Variants in SLC31A2 observed in about 807,000 individuals in gnomAD.
SLC31A2 encodes the protein solute carrier family 31 member 2.
Under a neutral mutation model 14.4 loss-of-function variants are expected in SLC31A2, and 16 were observed. The ratio of observed to expected loss-of-function variants is 1.11; its 90% CI spans 0.75 to 1.69. The LOEUF is 1.69. SLC31A2 is among the 40% of genes most tolerant of loss of function. The probability of loss-of-function intolerance (pLI) is 0.00; values close to 1 mark genes in which losing one functional copy is unlikely to be tolerated. For synonymous variants in SLC31A2, 56 were observed against 68.7 expected (o/e 0.82, Z 0.91); for missense variants, 140 against 173.9 (o/e 0.81, Z 1.10).
intron 1 of SLC31A2, chr9:113,156,235 C>A (rs966936037): frequency 2.2e-6 from 1 of 459,498 alleles, no homozygotes; most frequent in Non-Finnish European, 4.5e-6. Context: ...TATCTTCCTC[C>A]CTTGAACAGA....
intron 2 of SLC31A2, among the ~76,000 whole-genome samples, chr9:113,160,441 TC>T (rs1829994712): frequency 6.6e-6 from 1 of 152,222 alleles, no homozygotes; most frequent in South Asian, 2.1e-4. Context: ...TATGTAATGA[TC>T]CAATCAGGGT....
chr9:113,154,124 C>A (rs1473773506), intron 1 of SLC31A2, among the ~76,000 whole-genome samples: 1 of 152,198 alleles, frequency 6.6e-6, no homozygotes, highest in East Asian at 1.9e-4. Context: ...CAGGCACATG[C>A]CACCACACCC....
At chr9:113,157,912 A>G in intron 2 of SLC31A2, 119 bp downstream of exon 2, 1 of 760,940 alleles carries the variant, frequency 1.3e-6, no homozygotes, top group Non-Finnish European at 2.3e-6. Context: ...CTCTGGCATA[A>G]ACACTGAGCA....
chr9:113,161,642 G>C lies in SLC31A2; in HGVS notation c.207G>C (p.Glu69Asp). 1 of 1,614,040 alleles carries C rather than the reference G, an allele frequency of 6.2e-7. No individual in the cohort carries two copies. The highest frequency in any genetic ancestry group is 8.5e-7 in the Non-Finnish European group (1 of 1,179,906). The change falls in exon 3 of 4, where the codon GAG becomes GAC. Residue 69 changes from glutamate (E) to aspartate (D), a missense_variant. By Grantham distance (45) the Glu-to-Asp change is conservative (BLOSUM62 2). Transcript: ENST00000259392. ...PTSISQQTIA[E>D]TDGDSAGSDS... ...CCATCAGCCAGCAGACCATCGCAGAGACAGACGGGGACTCTGCAGGCTCAG... is the reference window on the plus strand; with the variant it reads ...CCATCAGCCAGCAGACCATCGCAGACACAGACGGGGACTCTGCAGGCTCAG...
In SLC31A2 at chr9:113,151,653, T is replaced by C. The variant is rs1214959936; in HGVS notation, c.6+573T>C. On this transcript the variant is annotated intron_variant, in intron 1 of 3. Coordinates refer to ENST00000259392, the MANE Select transcript of SLC31A2 (RefSeq NM_001860.3). This position sits in a 1 kb window ranked among gnomAD's most constrained non-coding sequence, Gnocchi z 4.2. ...AGACAAGCTGTTTTTCTTGGTAGGG[T>C]TCACCTGGGCTGGAGAGAACGACAG... The C allele has an allele frequency of 6.6e-6, 1 of 152,204 alleles. No individual in the cohort carries two copies. The highest frequency in any genetic ancestry group is 1.5e-5 in the Non-Finnish European group (1 of 68,032). 9.4% of individuals were successfully genotyped at this position (152,204 alleles called of 1,614,324 possible).
chr9:113,160,861 A>C (rs1323585567), intron 2 of SLC31A2: 1 of 152,230 alleles, frequency 6.6e-6, no homozygotes, highest in Non-Finnish European at 1.5e-5. Context: ...GTGCCAGGAA[A>C]CCAGGGCAGA....
intron 2 of SLC31A2, among the ~76,000 whole-genome samples, chr9:113,159,193 C>T (rs1489940899): frequency 1.3e-5 from 2 of 152,056 alleles, no homozygotes; most frequent in East Asian, 3.9e-4. Flanking sequence ...TGCAGTGGCG[C>T]GATCTTGGCT....
intron 2 of SLC31A2, among the ~76,000 whole-genome samples, chr9:113,160,229 G>A (rs1336381439): frequency 6.6e-6 from 1 of 152,106 alleles, no homozygotes; most frequent in Admixed American, 6.6e-5. Flanking sequence ...GAATAGCTGT[G>A]TGGAAAAGAT....
Position 113,163,222 on chromosome 9 carries a change from GTGA to G in SLC31A2, c.*306_*308del, listed in dbSNP as rs1830046226. The G allele has an allele frequency of 4.8e-6, 1 of 209,816 alleles. No homozygotes were observed. Among genetic ancestry groups the G allele is most frequent in the Non-Finnish European group, 9.4e-6 (1 of 105,992 alleles). 13.0% of individuals were successfully genotyped at this position (209,816 alleles called of 1,614,324 possible). On this transcript the variant is annotated 3_prime_UTR_variant, in exon 4 of 4. Transcript: ENST00000259392. Reference sequence around the variant, plus strand: ...ACTGAGCCCATGACAATGCTTCTCTGTGACTCAAACCAGGAATTTCCAAAGATT... The same window carrying G: ...ACTGAGCCCATGACAATGCTTCTCTGCTCAAACCAGGAATTTCCAAAGATT...
chr9:113,157,961 C>T, intron 2 of SLC31A2, 168 bp downstream of exon 2: 1 of 696,430 alleles, frequency 1.4e-6, no homozygotes, highest in African/African-American at 1.8e-5. Flanking sequence ...AACCACTCCC[C>T]TTCAGATCGC....
At position 113,158,192 on chromosome 9, in the gene SLC31A2, G is replaced by A. The variant is rs566444431; in HGVS notation, c.73+399G>A. ...CTCATTGTTCTGCACCAGTTCAGAA[G>A]CCCACAGCAGCTGCTGGAGATGAGA... On this transcript the variant is annotated intron_variant, in intron 2 of 3. Transcript: ENST00000259392. The A allele has an allele frequency of 9.7e-5, 39 of 403,822 alleles. No individual in the cohort carries two copies. In the East Asian group the frequency reaches 2.5e-3, roughly 26 times the overall value. The allele number at this position is 403,822 out of a possible 1,614,324, so 25.0% of individuals were successfully genotyped here.
At position 113,157,701 on chromosome 9, in the gene SLC31A2, A is replaced by G. The variant is rs368951803; in HGVS notation, c.7-26A>G. On this transcript the variant is annotated intron_variant, in intron 1 of 3. Transcript: ENST00000259392. The stretch of plus-strand genomic sequence containing the variant: ...GTAACTTCCACTGCCCTGTGCCCCT[A>G]TGATGCAGATTCCTTTCTCTTTCAG... 7.0e-5 allele frequency: 112 copies of G among 1,594,464 alleles called. 1 individual carries two copies. The African/African-American group carries it at 1.3e-3, about 18-fold the overall frequency.
In SLC31A2 at chr9:113,162,872, T is replaced by C; in HGVS notation, c.387T>C (p.Ser129=). The change falls in exon 4 of 4, where the codon TCT becomes TCC. Residue 129 remains serine (S), a synonymous_variant. Transcript: ENST00000259392. Reference sequence around the variant, plus strand: ...TTTTCCTTGGTGTGGTCTTGGGCTCTGCTGTGGGCTACTACCTAGCTTACC... The same window carrying C: ...TTTTCCTTGGTGTGGTCTTGGGCTCCGCTGTGGGCTACTACCTAGCTTACC... ...TWIFLGVVLG[S]AVGYYLAYPL... is the part of the protein sequence containing the mutation. 1 of 1,613,316 alleles carries C rather than the reference T, an allele frequency of 6.2e-7. No homozygotes were observed. Among genetic ancestry groups the C allele is most frequent in the Non-Finnish European group, 8.5e-7 (1 of 1,179,772 alleles).
chr9:113,162,681 A>C, intron 3 of SLC31A2, 68 bp from the exon 4 acceptor site: 3 of 1,434,548 alleles, frequency 2.1e-6, no homozygotes, highest in South Asian at 1.3e-5. Flanking sequence ...CTACTCCCTG[A>C]TATCTACTCC....
At position 113,161,502 on chromosome 9, in the gene SLC31A2, T is replaced by G; in HGVS notation, c.74-7T>G. ...CCAGGTCTCCACAACTCTGCCTCCT[T>G]TGACAGGCATGGCCCTTTCGGTGTT... is the stretch of plus-strand genomic sequence containing the variant. On this transcript the variant is annotated splice_polypyrimidine_tract_variant and splice_region_variant and intron_variant, in intron 2 of 3. Coordinates refer to ENST00000259392, the MANE Select transcript of SLC31A2 (RefSeq NM_001860.3). 6.2e-7 allele frequency: 1 copy of G among 1,613,644 alleles called. No homozygotes were observed. The highest frequency in any genetic ancestry group is 8.5e-7 in the Non-Finnish European group (1 of 1,179,748).
chr9:113,163,182 AG>A lies in SLC31A2; in HGVS notation c.*269del. 1 of 287,118 alleles carries A rather than the reference AG, an allele frequency of 3.5e-6. No homozygotes were observed. 17.8% of individuals were successfully genotyped at this position (287,118 alleles called of 1,614,324 possible). A position where few individuals can be genotyped will look rare whatever the true frequency, so the allele number is the denominator to read the frequency against. ...TGACCAAAGGGAGAATGGAGATAAC[AG>A]GGGTGGCAGGGTTACTGAGCCCATG... On this transcript the variant is annotated 3_prime_UTR_variant, in exon 4 of 4. Coordinates refer to ENST00000259392, the MANE Select transcript of SLC31A2 (RefSeq NM_001860.3).
intron 2 of SLC31A2, among the ~76,000 whole-genome samples, chr9:113,160,792 T>C (rs1260506876): frequency 6.6e-6 from 1 of 152,140 alleles, no homozygotes; most frequent in South Asian, 2.1e-4. Flanking sequence ...CCATCAGTCA[T>C]CTCATTAGCA....
At chr9:113,155,744 T>A (rs1418379770) in intron 1 of SLC31A2, among the ~76,000 whole-genome samples, 1 of 150,566 alleles carries the variant, frequency 6.6e-6, no homozygotes, top group African/African-American at 2.4e-5. Context: ...ATGGAACACT[T>A]CTGAGAAACA....
chr9:113,158,688 G>C (rs1829966434), intron 2 of SLC31A2, among the ~76,000 whole-genome samples: 1 of 152,230 alleles, frequency 6.6e-6, no homozygotes, highest in Non-Finnish European at 1.5e-5. Flanking sequence ...AGAGTGGCTA[G>C]ATTCCAAGAT....
Sources: allele counts gnomAD v4.1 joint callset (sites outside exome capture counted in the v4.1 genomes callset), GRCh38; gene constraint gnomAD v4.1.1; non-coding constraint Gnocchi (gnomAD v3.1); transcripts MANE v1.5; gene names NCBI Gene and HGNC (gene_info 2026-07-23, HGNC 2026-07-21).